CCDC175: variants seen among roughly 807,000 people sequenced by gnomAD.
CCDC175 encodes the protein coiled-coil domain containing 175.
CCDC175 carries 100 observed loss-of-function variants against 114.6 expected under a neutral mutation model. The observed-to-expected ratio is 0.87, with a 90% CI of 0.74 to 1.03. The LOEUF is 1.03. CCDC175 is among the 50% of genes least tolerant of loss of function. The pLI is 0.00. For missense variants in CCDC175, 880 were observed against 917.8 expected (o/e 0.96, Z 0.53); for synonymous variants, 306 against 308.7 (o/e 0.99, Z 0.09).
rs183984869 is a variant in CCDC175, at chr14:59,546,318, A to T, written c.1036-1019T>A. On this transcript the variant is annotated intron_variant, in intron 8 of 19. Transcript: ENST00000537690. ...CAATAGACACTGGGACTCCAAAAAG[A>T]TGGAGGGAAGAAGTGGGGAAGGGTT... is the stretch of plus-strand genomic sequence containing the variant. 4.4e-3 allele frequency among the ~76,000 whole-genome samples: 669 copies of T among 152,280 alleles called. 2 individuals are homozygous for T. The highest frequency in any genetic ancestry group is 0.015 in the African/African-American group (630 of 41,552).
chr14:59,527,519 ATAAAGT>A (rs1893816561), intron 14 of CCDC175, among the ~76,000 whole-genome samples: 2 of 152,120 alleles, frequency 1.3e-5, no homozygotes, highest in Non-Finnish European at 1.5e-5. Context: ...TAACCTTCCT[ATAAAGT>A]TATAGTTTTT....
chr14:59,549,221 A>G (rs911935826), intron 8 of CCDC175, among the ~76,000 whole-genome samples: 2 of 152,210 alleles, frequency 1.3e-5, no homozygotes, highest in African/African-American at 4.8e-5. Flanking sequence ...AATTAAAATT[A>G]AGTATGTGTG....
chr14:59,515,242 G>A (rs1315761753), intron 17 of CCDC175, among the ~76,000 whole-genome samples: 1 of 152,174 alleles, frequency 6.6e-6, no homozygotes, highest in Admixed American at 6.5e-5. Context: ...TTGAGGCTAG[G>A]AAGAAACTGC....
intron 19 of CCDC175, among the ~76,000 whole-genome samples, chr14:59,509,907 T>C (rs569151446): frequency 6.6e-6 from 1 of 152,310 alleles, no homozygotes; most frequent in African/African-American, 2.4e-5. Context: ...TAAGCACAAA[T>C]AGATTTGTAC....
At chr14:59,518,759 G>A (rs956608397) in intron 17 of CCDC175, among the ~76,000 whole-genome samples, 56 of 152,098 alleles carry the variant, frequency 3.7e-4, no homozygotes, top group African/African-American at 5.6e-4. Flanking sequence ...AGTCAGTGTG[G>A]TGATTCCTCA....
At chr14:59,540,645 A>T in intron 11 of CCDC175, 30 bp downstream of exon 11, 1 of 1,428,064 alleles carries the variant, frequency 7.0e-7, no homozygotes, top group Non-Finnish European at 9.3e-7. Flanking sequence ...AAACACAAAT[A>T]AACTTTTTTT....
At chr14:59,541,974 G>A (rs1281799138) in intron 10 of CCDC175, among the ~76,000 whole-genome samples, 1 of 152,154 alleles carries the variant, frequency 6.6e-6, no homozygotes, top group Non-Finnish European at 1.5e-5. Flanking sequence ...ACAATATGGG[G>A]ACAACCATTC....
At chr14:59,547,302 C>T (rs1255443369) in intron 8 of CCDC175, among the ~76,000 whole-genome samples, 1 of 152,102 alleles carries the variant, frequency 6.6e-6, no homozygotes, top group Non-Finnish European at 1.5e-5. Context: ...AAATGTGAAA[C>T]CCTCTTCAAA....
intron 17 of CCDC175, among the ~76,000 whole-genome samples, chr14:59,512,023 G>T (rs550298774): frequency 6.6e-6 from 1 of 152,228 alleles, no homozygotes; most frequent in Non-Finnish European, 1.5e-5. Context: ...GTTGAAGAAT[G>T]GGCAGCCCAG....
chr14:59,530,202 A>C (rs1893984752), intron 14 of CCDC175, among the ~76,000 whole-genome samples: 1 of 151,806 alleles, frequency 6.6e-6, no homozygotes, highest in Admixed American at 6.6e-5. Flanking sequence ...CCCCATCTCT[A>C]CTAAAAATAC....
intron 17 of CCDC175, among the ~76,000 whole-genome samples, chr14:59,516,813 A>G (rs1893118103): frequency 6.6e-6 from 1 of 152,202 alleles, no homozygotes; most frequent in Admixed American, 6.5e-5. Flanking sequence ...TCCCTAACTC[A>G]TTTTATGAGG....
chr14:59,515,802 C>G (rs1893043449), intron 17 of CCDC175, among the ~76,000 whole-genome samples: 1 of 152,182 alleles, frequency 6.6e-6, no homozygotes, highest in Admixed American at 6.5e-5. Context: ...GAACTCAGCT[C>G]TGCACCAAGC....
intron 9 of CCDC175, among the ~76,000 whole-genome samples, chr14:59,544,345 T>G (rs1894974500): frequency 6.6e-6 from 1 of 152,144 alleles, no homozygotes; most frequent in Admixed American, 6.5e-5. Flanking sequence ...TTTTTGTATT[T>G]TTAGTAGAGA....
intron 14 of CCDC175, among the ~76,000 whole-genome samples, chr14:59,529,489 C>G (rs2140001047): frequency 6.6e-6 from 1 of 152,274 alleles, no homozygotes; most frequent in East Asian, 1.9e-4. Flanking sequence ...TCTCAGCTGT[C>G]ATAGTTTCAG....
intron 16 of CCDC175, 102 bp downstream of exon 16, chr14:59,525,180 A>T (rs1893672696): frequency 4.3e-6 from 4 of 928,856 alleles, no homozygotes; most frequent in African/African-American, 1.7e-5. Context: ...ATGCTCCATT[A>T]AACATTTTTC....
chr14:59,516,147 C>G (rs1316913858), intron 17 of CCDC175, among the ~76,000 whole-genome samples: 6 of 152,210 alleles, frequency 3.9e-5, no homozygotes, highest in African/African-American at 1.4e-4. Flanking sequence ...ATACCAGAAT[C>G]TCTGGGACAC....
In CCDC175 at chr14:59,531,766, A is replaced by G. The variant is rs753382612; in HGVS notation, c.1762+6T>C. On this transcript the variant is annotated splice_donor_region_variant and intron_variant, in intron 14 of 19. Transcript: ENST00000537690. ...TGAGTTTAATTACTAAATGCTTCAT[A>G]TGTACCTGTAATAATATTACTGAGC... 5.4e-6 allele frequency: 8 copies of G among 1,473,666 alleles called. No homozygotes were observed. In the South Asian group the frequency reaches 9.1e-5, roughly 17 times the overall value. The allele number at this position is 1,473,666 out of a possible 1,614,324, so 91.3% of individuals were successfully genotyped here. A position where few individuals can be genotyped will look rare whatever the true frequency, so the allele number is the denominator to read the frequency against.
At chr14:59,545,409 G>T in intron 8 of CCDC175, 110 bp from the exon 9 acceptor site, 2 of 816,398 alleles carry the variant, frequency 2.4e-6, no homozygotes, top group Non-Finnish European at 3.7e-6. Flanking sequence ...TTAGCCCACC[G>T]TGAATATGCC....
At chr14:59,508,068 C>A (rs533051364) in intron 19 of CCDC175, among the ~76,000 whole-genome samples, 1 of 152,190 alleles carries the variant, frequency 6.6e-6, no homozygotes, top group African/African-American at 2.4e-5. Flanking sequence ...AGAATGCAGT[C>A]TTACAAGCCT....
Sources: gnomAD v4.1 joint callset for allele counts (sites outside exome capture counted in the v4.1 genomes callset) on GRCh38, gnomAD v4.1.1 for gene constraint, MANE v1.5 for transcripts, NCBI Gene and HGNC (gene_info 2026-07-23, HGNC 2026-07-21) for gene names.